Variants in DOCK5 observed in about 807,000 individuals in gnomAD.
The protein encoded by DOCK5 is dedicator of cytokinesis protein 5.
Under a neutral mutation model 251.8 loss-of-function variants are expected in DOCK5, and 142 were observed. The ratio of observed to expected loss-of-function variants is 0.56; its 90% CI spans 0.49 to 0.65. The LOEUF (loss-of-function observed/expected upper bound fraction) is 0.65. Ranked by LOEUF, DOCK5 falls within the 30% of genes least tolerant of loss-of-function variation. DOCK5 has a pLI of 0.00. For missense variants in DOCK5, 2,111 were observed against 2,312.3 expected, an observed-to-expected ratio of 0.91 and a Z score of 1.79; for synonymous variants, 842 against 835.5, an observed-to-expected ratio of 1.01 and a Z score of -0.13.
At chr8:25,330,497 A>G (rs1487930006) in intron 18 of DOCK5, among the ~76,000 whole-genome samples, 11 of 152,212 alleles carry the variant, frequency 7.2e-5, no homozygotes, top group African/African-American at 2.4e-5. Context: ...GAGATATTTC[A>G]GAACCTGCCA....
intron 18 of DOCK5, among the ~76,000 whole-genome samples, chr8:25,331,707 A>G (rs765866179): frequency 6.6e-6 from 1 of 151,834 alleles, no homozygotes; most frequent in Non-Finnish European, 1.5e-5. Flanking sequence ...TTAACTTCAC[A>G]AAGCCTCAGT....
intron 13 of DOCK5, among the ~76,000 whole-genome samples, chr8:25,316,276 T>G (rs1805248897): frequency 6.6e-6 from 1 of 152,088 alleles, no homozygotes; most frequent in African/African-American, 2.4e-5. Context: ...GTCCAGGAGT[T>G]TGAGACCAGT....
intron 1 of DOCK5, among the ~76,000 whole-genome samples, chr8:25,215,877 TA>T (rs1392053190): frequency 1.3e-5 from 2 of 151,344 alleles, no homozygotes; most frequent in Non-Finnish European, 2.9e-5. Flanking sequence ...ATTAGATTAT[TA>T]AAAGTAACAC....
chr8:25,215,382 G>A (rs552776387), intron 1 of DOCK5, among the ~76,000 whole-genome samples: 1 of 152,232 alleles, frequency 6.6e-6, no homozygotes, highest in Admixed American at 6.5e-5. Flanking sequence ...GATCTGTAGA[G>A]GCTGGGGAGA....
intron 30 of DOCK5, among the ~76,000 whole-genome samples, chr8:25,366,337 A>G (rs1800773830): frequency 1.3e-5 from 2 of 152,146 alleles, no homozygotes; most frequent in Non-Finnish European, 2.9e-5. Flanking sequence ...CTAAAAATGC[A>G]AAAACTAGCT....
intron 1 of DOCK5, among the ~76,000 whole-genome samples, chr8:25,221,505 C>T (rs1370946409): frequency 5.3e-5 from 8 of 152,092 alleles, no homozygotes; most frequent in African/African-American, 1.7e-4. Flanking sequence ...GAAGGGGTTT[C>T]GCCAAGTTGG....
chr8:25,272,086 T>G (rs976073702), intron 3 of DOCK5, among the ~76,000 whole-genome samples: 3 of 152,160 alleles, frequency 2.0e-5, no homozygotes, highest in Admixed American at 2.0e-4. Context: ...TGGAGTACAG[T>G]GGCGTGATCA....
chr8:25,384,719 CAA>C lies in DOCK5; in HGVS notation c.4131+1943_4131+1944del, dbSNP rs538821784. ...AGTTGATCCCCCTGCCTCAGCCTCC[CAA>C]AGTTTTGGAATTATAGGCATGAGCC... On this transcript the variant is annotated intron_variant, in intron 40 of 51. Transcript: ENST00000276440. 3.3e-5 allele frequency among the ~76,000 whole-genome samples: 5 copies of C among 151,994 alleles called. No homozygotes were observed. The South Asian group carries it at 1.0e-3, about 32-fold the overall frequency.
Position 25,368,197 on chromosome 8 carries a change from G to A in DOCK5, c.3230G>A (p.Gly1077Glu). ...GTTTATGATCTTCTTCCTAGATATG[G>A]GGACATGAGAAAGGAAATCGGCTTT... ...AKRNKIVKKY[G>E]DMRKEIGFRI... Residue 1077 changes from glycine to glutamate, a missense_variant, in exon 32 of 52, where the codon GGG becomes GAG. Transcript: ENST00000276440. 1 of 1,612,122 alleles carries A rather than the reference G, an allele frequency of 6.2e-7. No homozygotes were observed. Among genetic ancestry groups the A allele is most frequent in the African/African-American group, 1.3e-5 (1 of 75,014 alleles).
In DOCK5 at chr8:25,314,108, CT is replaced by C. The variant is rs71214561; in HGVS notation, c.1319-2879del. ...CTATTTCCTGCCTCAGGACTCCCCT[CT>C]TTTTTTTTTTTTTTTTTTTGAGGCA... On this transcript the variant is annotated intron_variant, in intron 13 of 51. Transcript: ENST00000276440. Among the ~76,000 whole-genome samples, 176 of 115,248 alleles carry C rather than the reference CT, an allele frequency of 1.5e-3. 2 individuals are homozygous for C. The South Asian group carries it at 0.03, about 19-fold the overall frequency. The allele number at this position is 115,248 out of a possible 152,430, so 75.6% of individuals were successfully genotyped here. A position where few individuals can be genotyped will look rare whatever the true frequency, so the allele number is the denominator to read the frequency against.
At chr8:25,297,306 G>C (rs1804644096) in intron 7 of DOCK5, among the ~76,000 whole-genome samples, 1 of 150,834 alleles carries the variant, frequency 6.6e-6, no homozygotes, top group Non-Finnish European at 1.5e-5. Flanking sequence ...TTGCTCTGTT[G>C]CCCTGGAGTG....
At chr8:25,315,687 T>C (rs1421074806) in intron 13 of DOCK5, among the ~76,000 whole-genome samples, 1 of 152,270 alleles carries the variant, frequency 6.6e-6, no homozygotes, top group Non-Finnish European at 1.5e-5. Context: ...TTTTAATACT[T>C]TGAGACAAAT....
intron 2 of DOCK5, among the ~76,000 whole-genome samples, chr8:25,251,124 A>T (rs1447850850): frequency 1.3e-5 from 2 of 152,028 alleles, no homozygotes; most frequent in African/African-American, 4.8e-5. Flanking sequence ...CCTGTGTTTA[A>T]TTCATATCCA....
intron 6 of DOCK5, among the ~76,000 whole-genome samples, chr8:25,293,823 A>G (rs1804552019): frequency 6.6e-6 from 1 of 152,090 alleles, no homozygotes; most frequent in Non-Finnish European, 1.5e-5. Context: ...GGCCAACATG[A>G]TGAAACCCCA....
At chr8:25,260,936 T>C (rs1246792499) in intron 2 of DOCK5, among the ~76,000 whole-genome samples, 1 of 152,024 alleles carries the variant, frequency 6.6e-6, no homozygotes, top group Non-Finnish European at 1.5e-5. Flanking sequence ...GCTAGGACTA[T>C]GAATGTGTGC....
At chr8:25,246,377 G>A (rs1364045092) in intron 2 of DOCK5, among the ~76,000 whole-genome samples, 1 of 152,078 alleles carries the variant, frequency 6.6e-6, no homozygotes, top group Non-Finnish European at 1.5e-5. Flanking sequence ...GAGTTCAAGC[G>A]AGTCTCCTAC....
intron 1 of DOCK5, among the ~76,000 whole-genome samples, chr8:25,190,876 C>T (rs1378207575): frequency 2.7e-5 from 4 of 146,314 alleles, no homozygotes; most frequent in Non-Finnish European, 4.5e-5. Flanking sequence ...CTCCGCCTCC[C>T]GGGTTCACGC....
chr8:25,193,529 A>G (rs1262670019), intron 1 of DOCK5, among the ~76,000 whole-genome samples: 4 of 151,960 alleles, frequency 2.6e-5, no homozygotes, highest in Non-Finnish European at 5.9e-5. Flanking sequence ...GGGAGACTGA[A>G]ACGAGAGGAT....
intron 1 of DOCK5, among the ~76,000 whole-genome samples, chr8:25,207,736 T>C (rs982426454): frequency 8.5e-5 from 13 of 152,192 alleles, no homozygotes; most frequent in Non-Finnish European, 1.6e-4. Context: ...AGAGCTTAGA[T>C]GGAGATGGAC....
Sources: allele counts gnomAD v4.1 joint callset (sites outside exome capture counted in the v4.1 genomes callset), GRCh38; gene constraint gnomAD v4.1.1; transcripts MANE v1.5; gene names NCBI Gene and HGNC (gene_info 2026-07-23, HGNC 2026-07-21).